Variants in PHC2 observed in about 807,000 individuals in gnomAD.
The protein encoded by PHC2 is polyhomeotic homolog 2.
PHC2 carries 29 observed loss-of-function variants against 87.4 expected under a neutral mutation model. The observed-to-expected ratio is 0.33, with a 90% confidence interval of 0.25 to 0.45. PHC2 has a LOEUF of 0.45. Among genes scored for constraint, PHC2 ranks in the 20% least tolerant of loss-of-function variants. The pLI is 1.00. For missense variants in PHC2, 857 were observed against 1,136.7 expected (o/e 0.75, Z 3.54); for synonymous variants, 438 against 461.7 (o/e 0.95, Z 0.66).
At chr1:33,380,821 G>A (rs2148346305) in intron 1 of PHC2, among the ~76,000 whole-genome samples, 1 of 152,272 alleles carries the variant, frequency 6.6e-6, no homozygotes, top group South Asian at 2.1e-4. Context: ...CTCCATGTGG[G>A]ATGTGAAACC....
intron 1 of PHC2, among the ~76,000 whole-genome samples, chr1:33,380,506 T>C (rs538474188): frequency 6.6e-6 from 1 of 152,358 alleles, no homozygotes; most frequent in African/African-American, 2.4e-5. Flanking sequence ...TGTATGAGAA[T>C]TTCTTTCCCT....
At chr1:33,328,746 C>T (rs1241308080) in intron 14 of PHC2, 124 bp downstream of exon 14, 3 of 878,494 alleles carry the variant, frequency 3.4e-6, no homozygotes, top group East Asian at 5.0e-5. Flanking sequence ...TCACTCATTT[C>T]TGCACCCCAG....
rs767694862 is a variant in PHC2 at position 33,354,527 on chromosome 1, G to C, written c.1432C>G (p.Pro478Ala). ...CVPDDWKEVA[P>A]GEKSVPETRS... ...GTCTCAGGCACACTTTTCTCCCCTG[G>C]TGCCACTTCTTTCCAGTCATCAGGG... Residue 478 changes from proline (P) to alanine (A), a missense_variant, in exon 9 of 15, where the codon CCA becomes GCA. Coordinates refer to ENST00000683057, the MANE Select transcript of PHC2 (RefSeq NM_001385109.1). 3 of 1,613,998 alleles carry C rather than the reference G, an allele frequency of 1.9e-6. No individual in the cohort carries two copies. Among genetic ancestry groups the C allele is most frequent in the Non-Finnish European group, 1.7e-6 (2 of 1,180,002 alleles).
chr1:33,392,140 G>A (rs1649085548), intron 1 of PHC2, among the ~76,000 whole-genome samples: 2 of 151,290 alleles, frequency 1.3e-5, no homozygotes, highest in African/African-American at 2.4e-5. Flanking sequence ...AATGAACTAG[G>A]TGCTTCAGCT....
At chr1:33,338,850 G>A (rs758891470) in intron 9 of PHC2, among the ~76,000 whole-genome samples, 3 of 152,192 alleles carry the variant, frequency 2.0e-5, no homozygotes, top group Non-Finnish European at 4.4e-5. Context: ...AGAGGCTGGG[G>A]GAGGGGAGTA....
At position 33,334,129 on chromosome 1, in the gene PHC2, G is replaced by A. The variant is rs772418882; in HGVS notation, c.1722C>T (p.Ile574=). ...CCCCCTCCTGGATCACAAACCCTTCGATAACATGCGTCAGGATTTGGGGTT... is the reference window on the plus strand; with the variant it reads ...CCCCCTCCTGGATCACAAACCCTTCAATAACATGCGTCAGGATTTGGGGTT... ...IVKPQILTHV[I]EGFVIQEGAE... Residue 574 remains isoleucine (I), a synonymous_variant, in exon 10 of 15, where the codon ATC becomes ATT. Transcript: ENST00000683057. This position sits in a 1 kb window ranked among gnomAD's most constrained non-coding sequence, Gnocchi z 5.5. 1 of 1,613,762 alleles carries A rather than the reference G, an allele frequency of 6.2e-7. No individual in the cohort carries two copies. The highest frequency in any genetic ancestry group is 8.5e-7 in the Non-Finnish European group (1 of 1,179,888).
intron 1 of PHC2, among the ~76,000 whole-genome samples, chr1:33,420,837 T>C (rs1650406748): frequency 6.6e-6 from 1 of 152,074 alleles, no homozygotes; most frequent in South Asian, 2.1e-4. Context: ...TCTCAAACTC[T>C]TGAGCTCAAG....
At chr1:33,336,670 C>T (rs1326383277) in intron 9 of PHC2, 1 of 152,274 alleles carries the variant, frequency 6.6e-6, no homozygotes, top group African/African-American at 2.4e-5. Flanking sequence ...AGGGCAGCTA[C>T]TCGTATGCCC....
intron 1 of PHC2, among the ~76,000 whole-genome samples, chr1:33,430,094 T>C (rs990155757): frequency 6.6e-6 from 1 of 152,052 alleles, no homozygotes; most frequent in African/African-American, 2.4e-5. Context: ...AGGGGGATAA[T>C]TACAAGAAGA....
intron 1 of PHC2, among the ~76,000 whole-genome samples, chr1:33,407,864 T>C (rs1446832801): frequency 6.6e-6 from 1 of 152,208 alleles, no homozygotes; most frequent in East Asian, 1.9e-4. Flanking sequence ...ATAGATGAAG[T>C]TAAAAACAAT....
chr1:33,391,159 CAG>C (rs1365731424), intron 1 of PHC2, among the ~76,000 whole-genome samples: 3 of 152,184 alleles, frequency 2.0e-5, no homozygotes, highest in African/African-American at 7.2e-5. Context: ...TTTGTTAAAA[CAG>C]AATGCTGGGC....
rs1222985948 is a variant in PHC2, at chr1:33,367,441, G to A, written c.664-13C>T. On this transcript the variant is annotated splice_polypyrimidine_tract_variant and intron_variant, in intron 6 of 14. Transcript: ENST00000683057. ...TCAAGTTCTGTACCTGGAAAAGAGG[G>A]GTCTGTGGGAGTCCAGAGAATGTGG... 1.3e-6 allele frequency: 2 copies of A among 1,533,958 alleles called. No individual in the cohort carries two copies. Among genetic ancestry groups the A allele is most frequent in the Non-Finnish European group, 1.8e-6 (2 of 1,137,720 alleles).
chr1:33,371,363 C>T (rs756966341), intron 3 of PHC2, among the ~76,000 whole-genome samples: 4 of 152,194 alleles, frequency 2.6e-5, no homozygotes, highest in African/African-American at 9.6e-5. Flanking sequence ...ATTAGGCCAC[C>T]GCCTTCGGTG....
chr1:33,332,646 T>G lies in PHC2; in HGVS notation c.1762-242A>C, dbSNP rs1191915344. Among the ~76,000 whole-genome samples the G allele has an allele frequency of 1.3e-5, 2 of 152,110 alleles. No individual in the cohort carries two copies. The highest frequency in any genetic ancestry group is 4.8e-5 in the African/African-American group (2 of 41,426). ...CTTCTGTCCAGGACCAACGGATGGCTCAGGAGATTAGGAAAATGTCTATTC... is the reference window on the plus strand; with the variant it reads ...CTTCTGTCCAGGACCAACGGATGGCGCAGGAGATTAGGAAAATGTCTATTC... On this transcript the variant is annotated intron_variant, in intron 10 of 14. Coordinates refer to ENST00000683057, the MANE Select transcript of PHC2 (RefSeq NM_001385109.1). The surrounding 1 kb of genome is among the most constrained non-coding windows in gnomAD (Gnocchi z 4.2).
At chr1:33,348,715 T>A (rs568636738) in intron 9 of PHC2, among the ~76,000 whole-genome samples, 1 of 152,190 alleles carries the variant, frequency 6.6e-6, no homozygotes, top group Admixed American at 6.5e-5. Context: ...AAGGCTGTCA[T>A]TGATTTGTAA....
intron 1 of PHC2, among the ~76,000 whole-genome samples, chr1:33,390,437 T>C (rs959567213): frequency 6.6e-6 from 1 of 151,304 alleles, no homozygotes; most frequent in African/African-American, 2.4e-5. Context: ...AGAAAAACAC[T>C]GTTCTTATTT....
rs1648546821 is a variant in PHC2, at chr1:33,382,621, C to G, written c.-54-7028G>C. ...GCCCGGGCTCTGAAGGGCTATGATT[C>G]CTATTTAAGTCACTTCTCCCCTCCT... On this transcript the variant is annotated intron_variant, in intron 1 of 14. Coordinates refer to ENST00000683057, the MANE Select transcript of PHC2 (RefSeq NM_001385109.1). This position sits in a 1 kb window ranked among gnomAD's most constrained non-coding sequence, Gnocchi z 4.3. 6.6e-6 allele frequency among the ~76,000 whole-genome samples: 1 copy of G among 152,096 alleles called. No homozygotes were observed. The highest frequency in any genetic ancestry group is 2.4e-5 in the African/African-American group (1 of 41,396).
intron 10 of PHC2, chr1:33,333,308 T>C (rs549407970): frequency 6.6e-6 from 1 of 152,332 alleles, no homozygotes; most frequent in Admixed American, 6.5e-5. Context: ...ATCAAACCAC[T>C]CATGGAACCA....
intron 1 of PHC2, among the ~76,000 whole-genome samples, chr1:33,398,878 C>T (rs1557844756): frequency 6.6e-6 from 1 of 152,142 alleles, no homozygotes; most frequent in Non-Finnish European, 1.5e-5. Flanking sequence ...AGACATTGAC[C>T]ATGAAGTGTT....
Sources: gnomAD v4.1 joint callset for allele counts (sites outside exome capture counted in the v4.1 genomes callset) on GRCh38, gnomAD v4.1.1 for gene constraint, Gnocchi (gnomAD v3.1) non-coding constraint, MANE v1.5 for transcripts, NCBI Gene and HGNC (gene_info 2026-07-23, HGNC 2026-07-21) for gene names.